Variants in FBXW4 observed in about 807,000 individuals in gnomAD.
The protein encoded by FBXW4 is F-box/WD repeat-containing protein 4.
FBXW4 carries 40 observed loss-of-function variants against 61.8 expected under a neutral mutation model. That is an observed-to-expected ratio of 0.65 (90% CI 0.50 to 0.84). The LOEUF (loss-of-function observed/expected upper bound fraction) is 0.84. FBXW4 is among the 40% of genes least tolerant of loss of function. FBXW4 has a pLI of 0.00. For missense variants in FBXW4, 672 were observed against 753.8 expected (o/e 0.89, Z 1.27); for synonymous variants, 311 against 313.8 (o/e 0.99, Z 0.10).
intron 3 of FBXW4, among the ~76,000 whole-genome samples, 162 bp from the exon 4 acceptor site, chr10:101,673,209 C>A (rs1232150545): frequency 6.6e-6 from 1 of 152,228 alleles, no homozygotes; most frequent in African/African-American, 2.4e-5. Context: ...ACCTTTACTT[C>A]TTCAGCACAC....
chr10:101,653,094 A>G (rs897876583), intron 5 of FBXW4, among the ~76,000 whole-genome samples: 1 of 152,060 alleles, frequency 6.6e-6, no homozygotes, highest in African/African-American at 2.4e-5. Flanking sequence ...TCTCAAACCC[A>G]GTGCCTCCTC....
chr10:101,676,196 G>A, intron 2 of FBXW4, 145 bp downstream of exon 2: 2 of 485,422 alleles, frequency 4.1e-6, no homozygotes, highest in East Asian at 6.2e-5. Flanking sequence ...TTGTCCTTCT[G>A]ATGCCCCCTT....
intron 5 of FBXW4, among the ~76,000 whole-genome samples, chr10:101,652,583 A>C (rs1168127756): frequency 1.3e-5 from 2 of 152,226 alleles, no homozygotes; most frequent in African/African-American, 4.8e-5. Context: ...AAACACAACA[A>C]GAGCCAGAGG....
At chr10:101,620,956 T>C (rs1320159741) in intron 6 of FBXW4, among the ~76,000 whole-genome samples, 1 of 152,132 alleles carries the variant, frequency 6.6e-6, no homozygotes, top group Non-Finnish European at 1.5e-5. Context: ...AAGGCAACCA[T>C]AGGCAGAAGA....
At chr10:101,613,260 C>T (rs1189344555) in intron 6 of FBXW4, 1 of 152,286 alleles carries the variant, frequency 6.6e-6, no homozygotes, top group Non-Finnish European at 1.5e-5. Flanking sequence ...TGATGCCAGA[C>T]CCCTAGCAAC....
At chr10:101,633,773 A>T (rs913982863) in intron 5 of FBXW4, among the ~76,000 whole-genome samples, 3 of 152,138 alleles carry the variant, frequency 2.0e-5, no homozygotes, top group Non-Finnish European at 4.4e-5. Flanking sequence ...GCAATAACAA[A>T]CTGTTATTAT....
chr10:101,685,555 T>C (rs1446110510), intron 1 of FBXW4, among the ~76,000 whole-genome samples: 1 of 152,178 alleles, frequency 6.6e-6, no homozygotes, highest in Admixed American at 6.5e-5. Flanking sequence ...CAGAGGAACA[T>C]ATATGAACTT....
intron 5 of FBXW4, among the ~76,000 whole-genome samples, chr10:101,639,381 G>A (rs1470370312): frequency 6.6e-6 from 1 of 152,192 alleles, no homozygotes; most frequent in Non-Finnish European, 1.5e-5. Flanking sequence ...GTCAAAGGCT[G>A]TACAACAGTT....
intron 5 of FBXW4, among the ~76,000 whole-genome samples, chr10:101,653,201 G>A (rs2134863450): frequency 6.6e-6 from 1 of 152,302 alleles, no homozygotes; most frequent in South Asian, 2.1e-4. Context: ...TTTCCTGAAT[G>A]AAAGTTGTCT....
intron 4 of FBXW4, among the ~76,000 whole-genome samples, chr10:101,670,543 A>G (rs1175019542): frequency 6.6e-6 from 1 of 152,184 alleles, no homozygotes; most frequent in Admixed American, 6.5e-5. Context: ...CTTGCCCTAG[A>G]GCTTTATACT....
At chr10:101,666,407 T>C (rs1279926387) in intron 5 of FBXW4, among the ~76,000 whole-genome samples, 1 of 152,108 alleles carries the variant, frequency 6.6e-6, no homozygotes, top group Non-Finnish European at 1.5e-5. Flanking sequence ...GCTAATCGGC[T>C]CTAATTCTTA....
intron 4 of FBXW4, among the ~76,000 whole-genome samples, chr10:101,669,239 A>C (rs897165969): frequency 2.5e-4 from 38 of 152,234 alleles, no homozygotes; most frequent in Admixed American, 2.5e-3. Context: ...TAAACACCAC[A>C]ACTTTTCCTG....
In FBXW4 at chr10:101,673,526, G is replaced by T; in HGVS notation, c.969C>A (p.His323Gln). 6.2e-7 allele frequency: 1 copy of T among 1,613,952 alleles called. No homozygotes were observed. The highest frequency in any genetic ancestry group is 8.5e-7 in the Non-Finnish European group (1 of 1,179,870). Residue 323 changes from histidine (H) to glutamine (Q), a missense_variant, in exon 3 of 9, where the codon CAC becomes CAA. Around this residue, in one of 5 missense-constraint regions of FBXW4, gnomAD observed 312 missense variants for 370.1 expected, o/e 0.84. Transcript: ENST00000331272. ...CAATATGCGAGTTGGCCAGCACAAA[G>T]TGGCAAACGTCCTCATCATGCCCAG... is the stretch of plus-strand genomic sequence containing the variant. ...VFAGHDEDVC[H>Q]FVLANSHIVS... is the part of the protein sequence containing the mutation.
chr10:101,611,884 G>A lies in FBXW4; in HGVS notation c.1443-115C>T. 8.0e-7 allele frequency: 1 copy of A among 1,246,840 alleles called. No individual in the cohort carries two copies. The highest frequency in any genetic ancestry group is 2.8e-5 in the Admixed American group (1 of 36,006). The allele number at this position is 1,246,840 out of a possible 1,614,324, so 77.2% of individuals were successfully genotyped here. Reference sequence around the variant, plus strand: ...GTTAAGGAGCCATTCCGGGATGGAAGAGAAAGAAGCCTAAATCATCAGATT... The same window carrying A: ...GTTAAGGAGCCATTCCGGGATGGAAAAGAAAGAAGCCTAAATCATCAGATT... On this transcript the variant is annotated intron_variant, in intron 7 of 8. Coordinates refer to ENST00000331272, the MANE Select transcript of FBXW4 (RefSeq NM_022039.4). This position sits in a 1 kb window ranked among gnomAD's most constrained non-coding sequence, Gnocchi z 4.9.
Position 101,639,915 on chromosome 10 carries a change from G to A in FBXW4, c.1236-15105C>T, listed in dbSNP as rs115327908. 5.1e-3 allele frequency among the ~76,000 whole-genome samples: 778 copies of A among 152,254 alleles called. 7 individuals carry two copies. The highest frequency in any genetic ancestry group is 0.018 in the African/African-American group (740 of 41,540). ...TTGGATTTCATGAGCCAAATATTCTGTTTTATTTATGTGAATTTGAATTTG... is the reference window on the plus strand; with the variant it reads ...TTGGATTTCATGAGCCAAATATTCTATTTTATTTATGTGAATTTGAATTTG... On this transcript the variant is annotated intron_variant, in intron 5 of 8. Coordinates refer to ENST00000331272, the MANE Select transcript of FBXW4 (RefSeq NM_022039.4).
At chr10:101,632,891 A>C (rs1421627579) in intron 5 of FBXW4, among the ~76,000 whole-genome samples, 3 of 152,242 alleles carry the variant, frequency 2.0e-5, no homozygotes, top group Non-Finnish European at 4.4e-5. Flanking sequence ...CAAGCTATAC[A>C]TGGTAATTAC....
chr10:101,678,350 C>A, intron 1 of FBXW4, among the ~76,000 whole-genome samples: 1 of 152,258 alleles, frequency 6.6e-6, no homozygotes, highest in East Asian at 1.9e-4. Context: ...ACAAGGTACA[C>A]TGCTTGGGAC....
chr10:101,635,910 C>G (rs2063997547), intron 5 of FBXW4, among the ~76,000 whole-genome samples: 1 of 151,706 alleles, frequency 6.6e-6, no homozygotes, highest in Non-Finnish European at 1.5e-5. Context: ...CACTTCCTCC[C>G]TACCCTGGGG....
In FBXW4 at chr10:101,611,792, G is replaced by C. The variant is rs1005819188; in HGVS notation, c.1443-23C>G. On this transcript the variant is annotated intron_variant, in intron 7 of 8. Transcript: ENST00000331272. The surrounding 1 kb of genome is among the most constrained non-coding windows in gnomAD (Gnocchi z 4.9). ...TTCCTGTCCAGGAAGAGGAGAAGCA[G>C]AGGGAGGTTTAGGGTACCCTCCACC... The C allele has an allele frequency of 2.5e-6, 4 of 1,607,284 alleles. No homozygotes were observed. The African/African-American group carries it at 5.3e-5, about 21-fold the overall frequency.
Sources: allele counts gnomAD v4.1 joint callset (sites outside exome capture counted in the v4.1 genomes callset), GRCh38; gene constraint gnomAD v4.1.1; regional missense constraint gnomAD v4.1.1; non-coding constraint Gnocchi (gnomAD v3.1); transcripts MANE v1.5; gene names NCBI Gene and HGNC (gene_info 2026-07-23, HGNC 2026-07-21).